Variants in BIK observed in about 807,000 individuals in gnomAD.
The protein encoded by BIK is bcl-2-interacting killer.
In BIK, 14 loss-of-function variants were observed where a neutral mutation model predicts 12.1. The ratio of observed to expected loss-of-function variants is 1.16; its 90% CI spans 0.77 to 1.81. The LOEUF (loss-of-function observed/expected upper bound fraction) is 1.81. BIK is among the 40% of genes most tolerant of loss of function. The pLI, the probability that BIK is intolerant of heterozygous loss-of-function variation, is 0.00. For synonymous variants in BIK, 86 were observed against 92.3 expected, an observed-to-expected ratio of 0.93 and a Z score of 0.39; for missense variants, 215 against 207.9, an observed-to-expected ratio of 1.03 and a Z score of -0.21.
At chr22:43,128,120 T>C in intron 3 of BIK, among the ~76,000 whole-genome samples, 1 of 151,876 alleles carries the variant, frequency 6.6e-6, no homozygotes, top group East Asian at 1.9e-4. Flanking sequence ...TGAGCTCGGA[T>C]CCTAGATCCT....
chr22:43,116,870 G>A (rs1930124403), intron 1 of BIK, among the ~76,000 whole-genome samples: 1 of 152,144 alleles, frequency 6.6e-6, no homozygotes, highest in Non-Finnish European at 1.5e-5. Flanking sequence ...GCCCAGGGAG[G>A]TGGAGACTAC....
At chr22:43,125,156 T>C (rs1383143188) in intron 2 of BIK, among the ~76,000 whole-genome samples, 7 of 152,178 alleles carry the variant, frequency 4.6e-5, no homozygotes, top group Admixed American at 4.6e-4. Flanking sequence ...GCACAATGAA[T>C]AGTGAGGATG....
intron 1 of BIK, among the ~76,000 whole-genome samples, chr22:43,114,544 GC>G (rs2147017487): frequency 6.6e-6 from 1 of 152,134 alleles, no homozygotes; most frequent in African/African-American, 2.4e-5. Flanking sequence ...CTTGTGATCC[GC>G]CCGCCTCAGC....
At chr22:43,117,855 A>T (rs1930148176) in intron 1 of BIK, among the ~76,000 whole-genome samples, 1 of 151,742 alleles carries the variant, frequency 6.6e-6, no homozygotes, top group Non-Finnish European at 1.5e-5. Flanking sequence ...GAAACGGGGT[A>T]GAGACGGAGT....
intron 1 of BIK, among the ~76,000 whole-genome samples, chr22:43,114,778 C>T (rs538769957): frequency 6.6e-6 from 1 of 152,208 alleles, no homozygotes; most frequent in African/African-American, 2.4e-5. Context: ...GTGTGCGCCT[C>T]GCAGAGCAAC....
chr22:43,128,579 A>C lies in BIK; in HGVS notation c.344A>C (p.Lys115Thr), dbSNP rs1432376946. 2.5e-6 allele frequency: 4 copies of C among 1,613,894 alleles called. No individual in the cohort carries two copies. The highest frequency in any genetic ancestry group is 1.7e-5 in the Admixed American group (1 of 59,982). ...RSFMDGFTTL[K>T]ENIMRFWRSP... is the part of the protein sequence containing the mutation. ...TTCATGGACGGTTTCACCACACTTA[A>C]GGAGAACATAATGAGGTTCTGGAGA... The change falls in exon 4 of 5, where the codon AAG becomes ACG. Residue 115 changes from lysine (K) to threonine (T), a missense_variant. Coordinates refer to ENST00000216115, the MANE Select transcript of BIK (RefSeq NM_001197.5).
chr22:43,111,534 C>T (rs1016210334), intron 1 of BIK, among the ~76,000 whole-genome samples: 1 of 152,058 alleles, frequency 6.6e-6, no homozygotes, highest in African/African-American at 2.4e-5. Flanking sequence ...GCCTGCGGGG[C>T]GCGGTCACGA....
intron 4 of BIK, 89 bp from the exon 5 acceptor site, chr22:43,129,124 T>TG: frequency 6.3e-7 from 1 of 1,595,484 alleles, no homozygotes; most frequent in Admixed American, 1.7e-5. Flanking sequence ...CCCACCCTCC[T>TG]GGGCTTCCCC....
chr22:43,116,337 G>T (rs965124533), intron 1 of BIK, among the ~76,000 whole-genome samples: 1 of 151,900 alleles, frequency 6.6e-6, no homozygotes, highest in Non-Finnish European at 1.5e-5. Flanking sequence ...GTGCAGTGGC[G>T]CAGTCACAGC....
chr22:43,129,510 G>C lies in BIK; in HGVS notation c.*205G>C. ...CCAGTTTTCGTTTTTTCTAAAAGAT[G>C]AATTCCTATGGCTCTGCAATTGTCA... On this transcript the variant is annotated 3_prime_UTR_variant, in exon 5 of 5. Transcript: ENST00000216115. 2.4e-6 allele frequency: 2 copies of C among 832,324 alleles called. No individual in the cohort carries two copies. The highest frequency in any genetic ancestry group is 1.8e-6 in the Non-Finnish European group (1 of 558,294). The allele number at this position is 832,324 out of a possible 1,614,324, so 51.6% of individuals were successfully genotyped here.
In BIK at chr22:43,129,503, A is replaced by G; in HGVS notation, c.*198A>G. The stretch of plus-strand genomic sequence containing the variant: ...TTTTATTCCAGTTTTCGTTTTTTCT[A>G]AAAGATGAATTCCTATGGCTCTGCA... On this transcript the variant is annotated 3_prime_UTR_variant, in exon 5 of 5. Transcript: ENST00000216115. The G allele has an allele frequency of 1.1e-6, 1 of 915,214 alleles. No individual in the cohort carries two copies. The allele number at this position is 915,214 out of a possible 1,614,324, so 56.7% of individuals were successfully genotyped here.
At chr22:43,113,097 G>A (rs1157737074) in intron 1 of BIK, among the ~76,000 whole-genome samples, 2 of 152,136 alleles carry the variant, frequency 1.3e-5, no homozygotes, top group African/African-American at 4.8e-5. Context: ...CCAGCTACTT[G>A]GGAGGCTGAG....
chr22:43,129,193 C>T lies in BIK; in HGVS notation c.391-20C>T, dbSNP rs1417928740. 5.7e-5 allele frequency: 92 copies of T among 1,603,098 alleles called. No homozygotes were observed. The highest frequency in any genetic ancestry group is 5.5e-5 in the Non-Finnish European group (65 of 1,179,840). On this transcript the variant is annotated intron_variant, in intron 4 of 4. Transcript: ENST00000216115. Reference sequence around the variant, plus strand: ...GCCGGGGCCTGCCCCGAGCCTGACTCCTCTGCTTTGCTCCCACAGGTGTCC... The same window carrying T: ...GCCGGGGCCTGCCCCGAGCCTGACTTCTCTGCTTTGCTCCCACAGGTGTCC...
At chr22:43,116,307 A>C (rs192801035) in intron 1 of BIK, among the ~76,000 whole-genome samples, 1 of 151,588 alleles carries the variant, frequency 6.6e-6, no homozygotes, top group African/African-American at 2.4e-5. Context: ...ACAGGGTCTC[A>C]CTCTGTCGCC....
At chr22:43,127,983 C>T (rs528809799) in intron 3 of BIK, among the ~76,000 whole-genome samples, 188 bp downstream of exon 3, 18 of 152,294 alleles carry the variant, frequency 1.2e-4, no homozygotes, top group Admixed American at 3.3e-4. Context: ...TCCTGGCACT[C>T]GCCCCCTGCC....
intron 1 of BIK, among the ~76,000 whole-genome samples, chr22:43,117,376 C>CTT (rs563637219): frequency 6.5e-5 from 8 of 123,494 alleles, no homozygotes; most frequent in African/African-American, 1.5e-4. Flanking sequence ...TTTTCTTTTT[C>CTT]TTTTTTTTTT....
At position 43,127,622 on chromosome 22, in the gene BIK, G is replaced by C. The variant is rs1045163084; in HGVS notation, c.162-75G>C. 2.2e-6 allele frequency: 3 copies of C among 1,347,022 alleles called. No homozygotes were observed. In the African/African-American group the frequency reaches 4.3e-5, roughly 19 times the overall value. 83.4% of individuals were successfully genotyped at this position (1,347,022 alleles called of 1,614,324 possible). On this transcript the variant is annotated intron_variant, in intron 2 of 4. Coordinates refer to ENST00000216115, the MANE Select transcript of BIK (RefSeq NM_001197.5). ...GGCCACTCCCAGCTGCACACAATCC[G>C]TTGGCTGGGTGGGTCCAGGTGCATG... is the stretch of plus-strand genomic sequence containing the variant.
chr22:43,129,097 C>A (rs4988440), intron 4 of BIK, 116 bp from the exon 5 acceptor site: 3 of 1,555,780 alleles, frequency 1.9e-6, no homozygotes, highest in East Asian at 2.2e-5. Flanking sequence ...CTGGTCCCCT[C>A]GAGCTCCTTC....
At chr22:43,126,188 C>CTTTT (rs549572600) in intron 2 of BIK, among the ~76,000 whole-genome samples, 1 of 137,164 alleles carries the variant, frequency 7.3e-6, no homozygotes, top group Non-Finnish European at 1.6e-5. Context: ...GCATGCCCGG[C>CTTTT]TTTTTTTTTT....
Sources: allele counts gnomAD v4.1 joint callset (sites outside exome capture counted in the v4.1 genomes callset), GRCh38; gene constraint gnomAD v4.1.1; transcripts MANE v1.5; gene names NCBI Gene and HGNC (gene_info 2026-07-23, HGNC 2026-07-21).